EDARADD: variants seen among roughly 807,000 people sequenced by gnomAD.
EDARADD encodes EDAR associated via death domain.
Under a neutral mutation model 25.6 loss-of-function variants are expected in EDARADD, and 20 were observed. The observed-to-expected ratio is 0.78, with a 90% CI of 0.55 to 1.14. The LOEUF is 1.14. Among genes scored for constraint, EDARADD ranks in the 50% most tolerant of loss-of-function variants. The probability of loss-of-function intolerance (pLI) is 0.00; values close to 1 mark genes in which losing one functional copy is unlikely to be tolerated. For synonymous variants in EDARADD, 86 were observed against 94.4 expected, an observed-to-expected ratio of 0.91 and a Z score of 0.52; for missense variants, 225 against 270.1, an observed-to-expected ratio of 0.83 and a Z score of 1.17.
chr1:236,419,247 A>G (rs2103012769), intron 3 of EDARADD, among the ~76,000 whole-genome samples: 1 of 152,208 alleles, frequency 6.6e-6, no homozygotes, highest in Admixed American at 6.5e-5. Context: ...AAAGTTAATT[A>G]GCTGAGTGTA....
chr1:236,441,614 C>G (rs1458455251), intron 4 of EDARADD, among the ~76,000 whole-genome samples: 3 of 151,330 alleles, frequency 2.0e-5, no homozygotes, highest in Admixed American at 6.6e-5. Context: ...ACCTCCACCT[C>G]CTGGGTTCAA....
intron 3 of EDARADD, among the ~76,000 whole-genome samples, chr1:236,363,006 A>AT (rs1553262239): frequency 0.019 from 801 of 42,898 alleles, 18 homozygotes; most frequent in Middle Eastern, 0.04. Flanking sequence ...AAAAAAAAAA[A>AT]ATATATATAT....
At chr1:236,432,590 A>C (rs1658126744) in intron 4 of EDARADD, among the ~76,000 whole-genome samples, 1 of 152,194 alleles carries the variant, frequency 6.6e-6, no homozygotes, top group Non-Finnish European at 1.5e-5. Flanking sequence ...TAGAAACTAC[A>C]TTAAGAAACT....
At chr1:236,470,981 G>T (rs1659344502) in intron 5 of EDARADD, among the ~76,000 whole-genome samples, 1 of 152,194 alleles carries the variant, frequency 6.6e-6, no homozygotes, top group African/African-American at 2.4e-5. Context: ...GACCTCAAGT[G>T]ATTCACCTGC....
In EDARADD at chr1:236,482,684, G is replaced by A. The variant is rs761452687; in HGVS notation, c.*35G>A. 3.7e-6 allele frequency: 6 copies of A among 1,609,314 alleles called. No homozygotes were observed. On this transcript the variant is annotated 3_prime_UTR_variant, in exon 6 of 6. Coordinates refer to ENST00000334232, the MANE Select transcript of EDARADD (RefSeq NM_145861.4). ...TCTTCCTTCATTGGCCTCTCCGGAT[G>A]TTGAAACAACCACAGGTCAAGAAGG... is the stretch of plus-strand genomic sequence containing the variant.
intron 4 of EDARADD, among the ~76,000 whole-genome samples, chr1:236,450,453 A>G (rs1658679658): frequency 6.6e-6 from 1 of 152,124 alleles, no homozygotes; most frequent in South Asian, 2.1e-4. Flanking sequence ...CATTTTGTAT[A>G]AAGAGTTAAT....
At chr1:236,394,023 T>A (rs567944641), upstream of EDARADD, among the ~76,000 whole-genome samples, 68 of 151,308 alleles carry the variant, frequency 4.5e-4, no homozygotes, top group African/African-American at 1.5e-3. Context: ...CCTTAAAATA[T>A]ACCACCATCT....
intron 3 of EDARADD, among the ~76,000 whole-genome samples, chr1:236,416,588 C>G (rs560506366): frequency 7.9e-5 from 12 of 152,136 alleles, no homozygotes; most frequent in African/African-American, 2.7e-4. Context: ...AAAACCATAC[C>G]CTAGGTCTTC....
chr1:236,394,711 C>T (rs1338278785), intron 1 of EDARADD, among the ~76,000 whole-genome samples: 4 of 152,124 alleles, frequency 2.6e-5, no homozygotes, highest in Non-Finnish European at 5.9e-5. Flanking sequence ...ATTTAAAATG[C>T]CTGTCGCCTT....
At chr1:236,445,681 T>C (rs1658518553) in intron 4 of EDARADD, among the ~76,000 whole-genome samples, 1 of 152,168 alleles carries the variant, frequency 6.6e-6, no homozygotes, top group South Asian at 2.1e-4. Context: ...AATAAACTTT[T>C]CAATATAGTT....
intron 3 of EDARADD, among the ~76,000 whole-genome samples, chr1:236,380,403 A>G (rs1382020949): frequency 6.6e-6 from 1 of 152,000 alleles, no homozygotes; most frequent in Non-Finnish European, 1.5e-5. Context: ...GGAAAATAAG[A>G]AGACTGAAGG....
rs34370981 is a variant in EDARADD at position 236,365,706 on chromosome 1, G to A, written c.-6+14867G>A. On this transcript the variant is annotated intron_variant, in intron 3 of 7. Coordinates refer to the EDARADD transcript ENST00000439430. ...AACTTGTCTGTTCTTCCTCCAAATA[G>A]TTTTCAGTTGGCCTCCCTCCTTTGG... 5.4e-5 allele frequency among the ~76,000 whole-genome samples: 8 copies of A among 146,796 alleles called. No individual in the cohort carries two copies. In the South Asian group the frequency reaches 1.5e-3, roughly 28 times the overall value.
chr1:236,427,931 AT>A (rs1302123220), intron 4 of EDARADD, among the ~76,000 whole-genome samples: 3 of 151,172 alleles, frequency 2.0e-5, no homozygotes, highest in African/African-American at 7.3e-5. Context: ...AAGAATTCAT[AT>A]TTTTTAATTG....
At chr1:236,421,687 G>C (rs1043851610) in intron 3 of EDARADD, among the ~76,000 whole-genome samples, 23 of 151,632 alleles carry the variant, frequency 1.5e-4, no homozygotes, top group African/African-American at 5.6e-4. Context: ...TAGTAAAGAT[G>C]GGGTTTCACC....
At chr1:236,422,786 G>T (rs541448806) in intron 3 of EDARADD, among the ~76,000 whole-genome samples, 21 of 152,314 alleles carry the variant, frequency 1.4e-4, no homozygotes, top group African/African-American at 4.6e-4. Context: ...CCTTCCTGCA[G>T]ATGGAACATG....
chr1:236,436,280 C>T lies in EDARADD; in HGVS notation c.219+8830C>T, dbSNP rs146190326. 8.2e-3 allele frequency among the ~76,000 whole-genome samples: 1,250 copies of T among 152,160 alleles called. 11 individuals carry two copies. Among genetic ancestry groups the T allele is most frequent in the Middle Eastern group, 0.02 (6 of 294 alleles). On this transcript the variant is annotated intron_variant, in intron 4 of 5. Transcript: ENST00000334232. ...TCAAGCGATTTACCTGCCTCAGCCCCCGAGTAGCTCGAACTACAGGCGTGC... is the reference window on the plus strand; with the variant it reads ...TCAAGCGATTTACCTGCCTCAGCCCTCGAGTAGCTCGAACTACAGGCGTGC...
chr1:236,457,289 G>C (rs1658895587), intron 4 of EDARADD, among the ~76,000 whole-genome samples: 1 of 152,184 alleles, frequency 6.6e-6, no homozygotes, highest in South Asian at 2.1e-4. Flanking sequence ...GCTGGGGCAG[G>C]CAGATCACTT....
chr1:236,465,882 G>A (rs1487406540), intron 4 of EDARADD, among the ~76,000 whole-genome samples: 1 of 152,168 alleles, frequency 6.6e-6, no homozygotes, highest in African/African-American at 2.4e-5. Flanking sequence ...CAAACATCAT[G>A]CATATTAATC....
chr1:236,447,224 C>CTTTCTTTCTTTTCTTTCTTTCTTTCTTT, intron 4 of EDARADD, among the ~76,000 whole-genome samples: 1 of 38,544 alleles, frequency 2.6e-5, no homozygotes, highest in Non-Finnish European at 7.3e-5. Flanking sequence ...TTCTTTCTTT[C>CTTTCTTTCTTTTCTTTCTTTCTTTCTTT]CTTTCTTTCC....
Sources: allele counts gnomAD v4.1 joint callset (sites outside exome capture counted in the v4.1 genomes callset), GRCh38; gene constraint gnomAD v4.1.1; transcripts MANE v1.5; gene names NCBI Gene and HGNC (gene_info 2026-07-23, HGNC 2026-07-21).